MMP26: variants seen among roughly 807,000 people sequenced by gnomAD.
MMP26 encodes matrix metallopeptidase 26.
MMP26 carries 33 observed loss-of-function variants against 31.0 expected under a neutral mutation model. That is an observed-to-expected ratio of 1.06 (90% CI 0.81 to 1.42). The LOEUF (loss-of-function observed/expected upper bound fraction) is 1.42. Ranked by LOEUF, MMP26 falls within the 40% of genes most tolerant of loss-of-function variation. MMP26 has a pLI of 0.00. For synonymous variants in MMP26, 122 were observed against 114.9 expected, an observed-to-expected ratio of 1.06 and a Z score of -0.40; for missense variants, 347 against 316.1, an observed-to-expected ratio of 1.10 and a Z score of -0.74.
chr11:4,721,883 G>A (rs1281398135), intron 1 of MMP26, among the ~76,000 whole-genome samples: 1 of 152,080 alleles, frequency 6.6e-6, no homozygotes, highest in African/African-American at 2.4e-5. Context: ...TCCTGCTTTG[G>A]CCCCTGGAAT....
rs1383725628 is a variant in MMP26 at position 4,723,845 on chromosome 11, G to A, written c.-217+18800G>A. ...ATCTTGTTATGCTGCTCCAGGAACC[G>A]TACCTTGTCTATGAAGGAGGCAAAC... On this transcript the variant is annotated intron_variant, in intron 1 of 7. Transcript: ENST00000380390. 21 of 1,518,058 alleles carry A rather than the reference G, an allele frequency of 1.4e-5. No individual in the cohort carries two copies. The Admixed American group carries it at 2.5e-4, about 18-fold the overall frequency. 94.0% of individuals were successfully genotyped at this position (1,518,058 alleles called of 1,614,324 possible). A position where few individuals can be genotyped will look rare whatever the true frequency, so the allele number is the denominator to read the frequency against.
chr11:4,710,672 G>A (rs903568285), intron 1 of MMP26: 6 of 336,772 alleles, frequency 1.8e-5, no homozygotes, highest in Admixed American at 3.9e-5. Context: ...GTTCTAAATG[G>A]TGAGTTATTT....
chr11:4,905,574 G>A (rs1249493322), intron 2 of MMP26, among the ~76,000 whole-genome samples: 3 of 152,050 alleles, frequency 2.0e-5, no homozygotes, highest in African/African-American at 7.2e-5. Flanking sequence ...AAAAAATTCT[G>A]GAGTGAGGAT....
chr11:4,850,093 T>C (rs1023986597), intron 2 of MMP26, among the ~76,000 whole-genome samples: 1 of 152,212 alleles, frequency 6.6e-6, no homozygotes, highest in African/African-American at 2.4e-5. Flanking sequence ...ATTTCTTCTA[T>C]CTAAGTGTAT....
intron 2 of MMP26, among the ~76,000 whole-genome samples, chr11:4,961,731 CA>C (rs1846523595): frequency 6.6e-6 from 1 of 152,042 alleles, no homozygotes; most frequent in Non-Finnish European, 1.5e-5. Context: ...TGGGAGATTG[CA>C]ATTTTTGAGG....
At chr11:4,943,889 G>A (rs1281507569) in intron 2 of MMP26, 1 of 445,280 alleles carries the variant, frequency 2.2e-6, no homozygotes, top group Admixed American at 2.4e-5. Context: ...GATGATCTTT[G>A]ATACTCTTTT....
intron 1 of MMP26, among the ~76,000 whole-genome samples, chr11:4,753,405 A>G (rs1384457536): frequency 1.3e-5 from 2 of 152,124 alleles, no homozygotes; most frequent in African/African-American, 4.8e-5. Flanking sequence ...ATTTAAATAC[A>G]TTTATTTGAT....
At chr11:4,990,813 TTAAACA>T in intron 5 of MMP26, 67 bp downstream of exon 5, 1 of 1,471,998 alleles carries the variant, frequency 6.8e-7, no homozygotes, top group South Asian at 1.5e-5. Context: ...GTTTCCATCC[TTAAACA>T]AAAACCTAGC....
chr11:4,896,938 A>G (rs1206004218), intron 2 of MMP26, among the ~76,000 whole-genome samples: 1 of 152,178 alleles, frequency 6.6e-6, no homozygotes, highest in Non-Finnish European at 1.5e-5. Context: ...CTGACCTTTC[A>G]TCATTGCAAA....
chr11:4,823,615 G>A (rs1849541260), intron 2 of MMP26, among the ~76,000 whole-genome samples: 1 of 152,136 alleles, frequency 6.6e-6, no homozygotes, highest in African/African-American at 2.4e-5. Flanking sequence ...CCATGGATGT[G>A]AATTAATGCC....
At chr11:4,729,344 A>G (rs896337431) in intron 1 of MMP26, among the ~76,000 whole-genome samples, 1 of 152,164 alleles carries the variant, frequency 6.6e-6, no homozygotes, top group Non-Finnish European at 1.5e-5. Context: ...AAGCTACTAC[A>G]TCCTCATGGC....
chr11:4,990,000 C>T (rs925750973), intron 4 of MMP26, 132 bp downstream of exon 4: 3 of 676,098 alleles, frequency 4.4e-6, no homozygotes, highest in Non-Finnish European at 7.5e-6. Context: ...CCAAAATCTC[C>T]CTCAGAGAAG....
intron 2 of MMP26, among the ~76,000 whole-genome samples, chr11:4,785,549 C>T (rs1848930404): frequency 6.6e-6 from 1 of 152,098 alleles, no homozygotes; most frequent in Admixed American, 6.6e-5. Context: ...ATTTCTTTCT[C>T]ATAATTGACT....
At chr11:4,974,476 G>T (rs1017534674) in intron 2 of MMP26, among the ~76,000 whole-genome samples, 1 of 151,798 alleles carries the variant, frequency 6.6e-6, no homozygotes, top group African/African-American at 2.4e-5. Flanking sequence ...CTTTATAGAG[G>T]ATTTTACAAA....
chr11:4,778,229 T>C (rs1477616385), intron 2 of MMP26, among the ~76,000 whole-genome samples: 1 of 152,076 alleles, frequency 6.6e-6, no homozygotes, highest in African/African-American at 2.4e-5. Flanking sequence ...AAACAACATT[T>C]GATATATTTT....
At chr11:4,868,344 T>C (rs2133522734) in intron 2 of MMP26, among the ~76,000 whole-genome samples, 1 of 152,222 alleles carries the variant, frequency 6.6e-6, no homozygotes, top group Non-Finnish European at 1.5e-5. Flanking sequence ...AAAATCTCCT[T>C]AAGCTGAGAA....
intron 2 of MMP26, among the ~76,000 whole-genome samples, chr11:4,826,827 C>T (rs1321691604): frequency 6.6e-6 from 1 of 152,092 alleles, no homozygotes; most frequent in East Asian, 1.9e-4. Flanking sequence ...TGACTATTGC[C>T]TAATCCTACA....
intron 2 of MMP26, among the ~76,000 whole-genome samples, chr11:4,789,688 C>A (rs940611792): frequency 6.0e-5 from 9 of 150,992 alleles, no homozygotes; most frequent in Non-Finnish European, 1.0e-4. Flanking sequence ...CTACAGGTGC[C>A]TGCCACCACA....
chr11:4,929,613 CT>C (rs1184061492), intron 2 of MMP26, among the ~76,000 whole-genome samples: 1 of 152,040 alleles, frequency 6.6e-6, no homozygotes, highest in East Asian at 1.9e-4. Context: ...ATTTTACTCC[CT>C]TTTTATTGCA....
Sources: gnomAD v4.1 joint callset for allele counts (sites outside exome capture counted in the v4.1 genomes callset) on GRCh38, gnomAD v4.1.1 for gene constraint, MANE v1.5 for transcripts, NCBI Gene and HGNC (gene_info 2026-07-23, HGNC 2026-07-21) for gene names.